Variants in TDRD1 observed in about 807,000 individuals in gnomAD.
TDRD1 encodes the protein tudor domain-containing protein 1.
Under a neutral mutation model 140.6 loss-of-function variants are expected in TDRD1, and 37 were observed. The ratio of observed to expected loss-of-function variants is 0.26; its 90% CI spans 0.20 to 0.35. The LOEUF is 0.35. Among genes scored for constraint, TDRD1 ranks in the 10% least tolerant of loss-of-function variants. The pLI is 1.00. For synonymous variants in TDRD1, 506 were observed against 475.7 expected (o/e 1.06, Z -0.83); for missense variants, 1,243 against 1,393.0 (o/e 0.89, Z 1.71).
At chr10:114,212,864 T>A (rs1020155008) in intron 14 of TDRD1, among the ~76,000 whole-genome samples, 1 of 152,216 alleles carries the variant, frequency 6.6e-6, no homozygotes, top group African/African-American at 2.4e-5. Context: ...CTTACTGAGT[T>A]GTACAAACAT....
At chr10:114,182,016 T>C (rs76941932) in intron 1 of TDRD1, among the ~76,000 whole-genome samples, 401 of 152,232 alleles carry the variant, frequency 2.6e-3, no homozygotes, top group African/African-American at 9.1e-3. Flanking sequence ...AGGTTTTAGG[T>C]GACTGAACGT....
intron 19 of TDRD1, 92 bp from the exon 20 acceptor site, chr10:114,221,265 A>G (rs1282693341): frequency 8.4e-7 from 1 of 1,195,942 alleles, no homozygotes; most frequent in Admixed American, 2.2e-5. Flanking sequence ...TAATCATTTC[A>G]TGAACAAATG....
chr10:114,229,403 A>G (rs918811944), intron 25 of TDRD1, among the ~76,000 whole-genome samples: 7 of 152,188 alleles, frequency 4.6e-5, no homozygotes, highest in Non-Finnish European at 8.8e-5. Flanking sequence ...TTGAATTATA[A>G]GCTAAATGTA....
At chr10:114,209,256 A>T (rs1194939732) in intron 11 of TDRD1, among the ~76,000 whole-genome samples, 1 of 152,176 alleles carries the variant, frequency 6.6e-6, no homozygotes, top group South Asian at 2.1e-4. Context: ...GGAGGATCTT[A>T]TGATGGACTC....
chr10:114,231,488 ACAG>A, exon 26 of TDRD1: 2 of 1,602,398 alleles, frequency 1.2e-6, no homozygotes, highest in Non-Finnish European at 1.7e-6. Context: ...TTTTTCAGAA[ACAG>A]CATCTCTTGG....
chr10:114,203,402 A>G (rs1194511587), exon 8 of TDRD1: 1 of 1,598,512 alleles, frequency 6.3e-7, no homozygotes, highest in Non-Finnish European at 8.5e-7. Context: ...CGGTTACCGA[A>G]TTCAAACACC....
At chr10:114,195,359 T>C (rs2034271028) in intron 3 of TDRD1, among the ~76,000 whole-genome samples, 1 of 152,200 alleles carries the variant, frequency 6.6e-6, no homozygotes, top group African/African-American at 2.4e-5. Flanking sequence ...CTCCTGTTGG[T>C]TGGTTATGTT....
chr10:114,220,502 G>A, intron 18 of TDRD1, 66 bp from the exon 19 acceptor site: 1 of 1,161,946 alleles, frequency 8.6e-7, no homozygotes, highest in Non-Finnish European at 1.3e-6. Flanking sequence ...CCTGGTGCTG[G>A]GTACTACTAA....
At chr10:114,205,420 T>G (rs1347380605) in intron 10 of TDRD1, among the ~76,000 whole-genome samples, 1 of 152,222 alleles carries the variant, frequency 6.6e-6, no homozygotes, top group Non-Finnish European at 1.5e-5. Flanking sequence ...CATGGCTGAT[T>G]TGGTAGAAAA....
intron 1 of TDRD1, among the ~76,000 whole-genome samples, chr10:114,183,171 T>C (rs915817027): frequency 6.6e-6 from 1 of 152,120 alleles, no homozygotes; most frequent in African/African-American, 2.4e-5. Flanking sequence ...AGGCGCTGAC[T>C]GTAGATTGAC....
At chr10:114,203,142 G>A in exon 7 of TDRD1, 1 of 1,613,614 alleles carries the variant, frequency 6.2e-7, no homozygotes. Flanking sequence ...TCTGATTTGA[G>A]AAGTCTACAA....
chr10:114,226,256 A>AT (rs138611231), intron 22 of TDRD1, 40 bp downstream of exon 22: 99,124 of 1,368,852 alleles, frequency 0.072, 1,682 homozygotes, highest in African/African-American at 0.12. Flanking sequence ...GTTTCTGGGT[A>AT]TTTTTTTTTT....
intron 1 of TDRD1, among the ~76,000 whole-genome samples, chr10:114,184,626 C>T (rs1050518171): frequency 2.6e-5 from 4 of 152,190 alleles, no homozygotes; most frequent in Non-Finnish European, 5.9e-5. Context: ...GGTTGAATAG[C>T]GTTTGAGTCT....
intron 1 of TDRD1, among the ~76,000 whole-genome samples, chr10:114,186,756 A>G (rs1417977488): frequency 6.6e-6 from 1 of 152,128 alleles, no homozygotes; most frequent in East Asian, 1.9e-4. Flanking sequence ...TGGTCCAATA[A>G]GAGTTCCCTA....
At chr10:114,185,545 G>C (rs779462118) in intron 1 of TDRD1, among the ~76,000 whole-genome samples, 5 of 151,958 alleles carry the variant, frequency 3.3e-5, no homozygotes, top group Non-Finnish European at 7.4e-5. Context: ...TTTCTACCTT[G>C]AGTTTGATTT....
intron 10 of TDRD1, among the ~76,000 whole-genome samples, chr10:114,205,813 A>G (rs1265433556): frequency 6.6e-6 from 1 of 152,182 alleles, no homozygotes; most frequent in Admixed American, 6.5e-5. Context: ...CGATAGCACA[A>G]TAGGGTGACT....
chr10:114,195,560 T>C (rs558009138), intron 3 of TDRD1, among the ~76,000 whole-genome samples: 1 of 152,348 alleles, frequency 6.6e-6, no homozygotes, highest in African/African-American at 2.4e-5. Context: ...AATGTCCCTC[T>C]CTCTGGTAAT....
chr10:114,230,548 A>T (rs1264670170), intron 25 of TDRD1, among the ~76,000 whole-genome samples: 1 of 152,202 alleles, frequency 6.6e-6, no homozygotes, highest in East Asian at 1.9e-4. Flanking sequence ...TACAGGCTGA[A>T]ACACTAGGTC....
chr10:114,197,556 AT>A lies in TDRD1; in HGVS notation c.385-1606del, dbSNP rs796943455. ...TTGTCATCTTGATGTTGGGCGCTTG[AT>A]TTTTTTTTTTCCGGCATTTGTTTGT... On this transcript the variant is annotated intron_variant, in intron 3 of 25. Coordinates refer to ENST00000251864, the Ensembl canonical transcript of TDRD1. Among the ~76,000 whole-genome samples the A allele has an allele frequency of 6.6e-3, 871 of 131,640 alleles. 11 individuals are homozygous for A. The highest frequency in any genetic ancestry group is 0.022 in the African/African-American group (788 of 35,726). 86.4% of individuals were successfully genotyped at this position (131,640 alleles called of 152,430 possible).
Sources: gnomAD v4.1 joint callset for allele counts (sites outside exome capture counted in the v4.1 genomes callset) on GRCh38, gnomAD v4.1.1 for gene constraint, MANE v1.5 for transcripts, NCBI Gene and HGNC (gene_info 2026-07-23, HGNC 2026-07-21) for gene names.